Variants in CRMP1 observed in about 807,000 individuals in gnomAD.
CRMP1 encodes collapsin response mediator protein 1, also known as dihydropyrimidinase-related protein 1.
Under a neutral mutation model 68.3 loss-of-function variants are expected in CRMP1, and 19 were observed. The observed-to-expected ratio is 0.28, with a 90% CI of 0.19 to 0.41. The LOEUF is 0.41. Among genes scored for constraint, CRMP1 ranks in the 10% least tolerant of loss-of-function variants. CRMP1 has a pLI of 1.00. For missense variants in CRMP1, 791 were observed against 967.4 expected, an observed-to-expected ratio of 0.82 and a Z score of 2.42; for synonymous variants, 439 against 399.6, an observed-to-expected ratio of 1.10 and a Z score of -1.18.
intron 6 of CRMP1, among the ~76,000 whole-genome samples, chr4:5,849,085 A>G (rs969580197): frequency 6.6e-6 from 1 of 152,234 alleles, no homozygotes; most frequent in African/African-American, 2.4e-5. Flanking sequence ...TCCTTGCCCA[A>G]GGTCACATGG....
chr4:5,825,386 T>G lies in CRMP1; in HGVS notation c.1969+108A>C. On this transcript the variant is annotated intron_variant, in intron 13 of 13. Transcript: ENST00000324989. This position sits in a 1 kb window ranked among gnomAD's most constrained non-coding sequence, Gnocchi z 4.4. ...GGTGGGGCACACTCCCTTCCCTGCTTCTTCATCTAGTGTCCAAGGCCACGT... is the reference window on the plus strand; with the variant it reads ...GGTGGGGCACACTCCCTTCCCTGCTGCTTCATCTAGTGTCCAAGGCCACGT... 3.4e-6 allele frequency: 5 copies of G among 1,465,468 alleles called. No homozygotes were observed. Among genetic ancestry groups the G allele is most frequent in the Non-Finnish European group, 4.5e-6 (5 of 1,115,734 alleles). 90.8% of individuals were successfully genotyped at this position (1,465,468 alleles called of 1,614,324 possible).
In CRMP1 at chr4:5,821,548, A is replaced by T. The variant is rs554106668; in HGVS notation, c.*212T>A. 130 of 561,908 alleles carry T rather than the reference A, an allele frequency of 2.3e-4. No homozygotes were observed. Among genetic ancestry groups the T allele is most frequent in the Non-Finnish European group, 3.8e-4 (120 of 314,994 alleles). 34.8% of individuals were successfully genotyped at this position (561,908 alleles called of 1,614,324 possible). On this transcript the variant is annotated 3_prime_UTR_variant, in exon 14 of 14. Transcript: ENST00000324989. This position sits in a 1 kb window ranked among gnomAD's most constrained non-coding sequence, Gnocchi z 4.4. Reference sequence around the variant, plus strand: ...AAACACCATGCTCCGAGGTGGATTCAGCATGAACACAACTGTGGGGCAAGG... The same window carrying T: ...AAACACCATGCTCCGAGGTGGATTCTGCATGAACACAACTGTGGGGCAAGG...
Position 5,858,396 on chromosome 4 carries a change from C to T in CRMP1, c.656-2089G>A. On this transcript the variant is annotated intron_variant, in intron 3 of 13. Coordinates refer to ENST00000324989, the MANE Select transcript of CRMP1 (RefSeq NM_001014809.3). This position sits in a 1 kb window ranked among gnomAD's most constrained non-coding sequence, Gnocchi z 5.5. ...AAATGAGAATGTCCAAAACCTCATGCAATACTCTCCCCACCCCGACCCCAG... is the reference window on the plus strand; with the variant it reads ...AAATGAGAATGTCCAAAACCTCATGTAATACTCTCCCCACCCCGACCCCAG... Among the ~76,000 whole-genome samples, 1 of 151,990 alleles carries T rather than the reference C, an allele frequency of 6.6e-6. No homozygotes were observed. The highest frequency in any genetic ancestry group is 1.5e-5 in the Non-Finnish European group (1 of 68,006).
At chr4:5,824,404 C>T (rs1438218598) in intron 13 of CRMP1, 26 of 985,224 alleles carry the variant, frequency 2.6e-5, no homozygotes, top group Admixed American at 1.2e-4. Flanking sequence ...TTCATGCCTC[C>T]TCGGCATAAT....
chr4:5,837,129 G>A (rs1345201365), intron 9 of CRMP1, among the ~76,000 whole-genome samples: 1 of 152,216 alleles, frequency 6.6e-6, no homozygotes, highest in African/African-American at 2.4e-5. Context: ...TGAGTAATGT[G>A]TGCTGACATT....
At chr4:5,873,641 CCCA>C (rs1350395687) in intron 1 of CRMP1, among the ~76,000 whole-genome samples, 11 of 152,130 alleles carry the variant, frequency 7.2e-5, no homozygotes, top group African/African-American at 2.7e-4. Flanking sequence ...GGAAATCCGC[CCCA>C]GTGATTCAAT....
Position 5,849,462 on chromosome 4 carries a change from G to T in CRMP1, c.893C>A (p.Ala298Asp). The T allele has an allele frequency of 6.2e-7, 1 of 1,612,662 alleles. No homozygotes were observed. The highest frequency in any genetic ancestry group is 8.5e-7 in the Non-Finnish European group (1 of 1,178,938). ...YQMSDSQLYE[A>D]FTFLKGLGAV... ...TCCCAGGCCCTTAAGGAAGGTAAAGGCTTCATAGAGCTATGGAGAGATAAA... is the reference window on the plus strand; with the variant it reads ...TCCCAGGCCCTTAAGGAAGGTAAAGTCTTCATAGAGCTATGGAGAGATAAA... Residue 298 changes from alanine (A) to aspartate (D), a missense_variant, in exon 6 of 14, where the codon GCC becomes GAC. By Grantham distance (126) the Ala-to-Asp change is moderately radical (BLOSUM62 -2). Coordinates refer to ENST00000324989, the MANE Select transcript of CRMP1 (RefSeq NM_001014809.3).
rs1715898774 is a variant in CRMP1 at position 5,890,595 on chromosome 4, G to A, written c.381+1994C>T. 6.6e-6 allele frequency among the ~76,000 whole-genome samples: 1 copy of A among 152,258 alleles called. No individual in the cohort carries two copies. Among genetic ancestry groups the A allele is most frequent in the Non-Finnish European group, 1.5e-5 (1 of 68,040 alleles). ...AGTTCCACAGTCGCGAAGCTCGAGT[G>A]CTTTCGGAGCCCCGGGAGCGCCAGA... On this transcript the variant is annotated intron_variant, in intron 1 of 13. Coordinates refer to ENST00000324989, the MANE Select transcript of CRMP1 (RefSeq NM_001014809.3). This position sits in a 1 kb window ranked among gnomAD's most constrained non-coding sequence, Gnocchi z 5.5.
Position 5,839,587 on chromosome 4 carries a change from G to C in CRMP1, c.1245C>G (p.Phe415Leu). The C allele has an allele frequency of 6.2e-7, 1 of 1,612,494 alleles. No homozygotes were observed. Among genetic ancestry groups the C allele is most frequent in the Non-Finnish European group, 8.5e-7 (1 of 1,179,290 alleles). The change falls in exon 9 of 14, where the codon TTC (phenylalanine) becomes TTG (leucine). Residue 415 changes from phenylalanine to leucine, a missense_variant. Transcript: ENST00000324989. ...WSKNWAKAAA[F>L]VTSPPLSPDP... The stretch of plus-strand genomic sequence containing the variant: ...CCGGGCTCAGGGGAGGGGAAGTCAC[G>C]AACGCCGCAGCCTTGGCCCAGTTCT...
intron 11 of CRMP1, among the ~76,000 whole-genome samples, chr4:5,832,466 TA>T (rs1720448033): frequency 6.6e-6 from 1 of 152,246 alleles, no homozygotes; most frequent in Non-Finnish European, 1.5e-5. Flanking sequence ...AAAGTAGATT[TA>T]AAATCTAATC....
chr4:5,871,022 A>G (rs1459662149), intron 1 of CRMP1, among the ~76,000 whole-genome samples: 5 of 152,120 alleles, frequency 3.3e-5, no homozygotes, highest in Non-Finnish European at 7.4e-5. Flanking sequence ...ATTTTAATGC[A>G]CTGTGTGCCA....
rs567810079 is a variant in CRMP1 at position 5,886,715 on chromosome 4, A to G, written c.381+5874T>C. On this transcript the variant is annotated intron_variant, in intron 1 of 13. Transcript: ENST00000324989. ...GTCACTGCATCACCCCGACCCCATC[A>G]CCTGCCTCAGTTCCCTTGGGAGGCA... is the stretch of plus-strand genomic sequence containing the variant. Among the ~76,000 whole-genome samples, 3 of 152,296 alleles carry G rather than the reference A, an allele frequency of 2.0e-5. No individual in the cohort carries two copies. The South Asian group carries it at 6.2e-4, about 32-fold the overall frequency.
Position 5,836,909 on chromosome 4 carries a change from GGC to G in CRMP1, c.1311-5_1311-4del. 1 of 1,607,816 alleles carries G rather than the reference GGC, an allele frequency of 6.2e-7. No individual in the cohort carries two copies. Among genetic ancestry groups the G allele is most frequent in the Non-Finnish European group, 8.5e-7 (1 of 1,176,776 alleles). On this transcript the variant is annotated splice_polypyrimidine_tract_variant and splice_region_variant and intron_variant, in intron 9 of 13. Transcript: ENST00000324989. ...TGCCTGTGACCTGCAAGTCCCCACT[GGC>G]AAGGACAAAACAAGGTAGAGTTCAG...
Position 5,860,678 on chromosome 4 carries a change from TAATA to T in CRMP1, c.655+344_655+347del, listed in dbSNP as rs887470664. ...CCCTATAATCCATGTCTTCTTTACT[TAATA>T]CTTTTCTTTAAACAAATTTTGTTTC... is the stretch of plus-strand genomic sequence containing the variant. On this transcript the variant is annotated intron_variant, in intron 3 of 13. Transcript: ENST00000324989. The surrounding 1 kb of genome is among the most constrained non-coding windows in gnomAD (Gnocchi z 4.2). Among the ~76,000 whole-genome samples, 17 of 152,150 alleles carry T rather than the reference TAATA, an allele frequency of 1.1e-4. No homozygotes were observed. Among genetic ancestry groups the T allele is most frequent in the African/African-American group, 4.1e-4 (17 of 41,486 alleles).
intron 9 of CRMP1, among the ~76,000 whole-genome samples, chr4:5,837,489 G>A (rs899558887): frequency 6.0e-5 from 9 of 150,148 alleles, no homozygotes; most frequent in East Asian, 2.0e-4. Flanking sequence ...TTAGCCAGGC[G>A]TGGTGGTGGG....
intron 4 of CRMP1, among the ~76,000 whole-genome samples, chr4:5,852,046 G>A (rs1238338824): frequency 6.6e-6 from 1 of 152,154 alleles, no homozygotes; most frequent in African/African-American, 2.4e-5. Context: ...GAGAGGGAGG[G>A]GTGTGGTAAG....
chr4:5,888,650 C>G lies in CRMP1; in HGVS notation c.381+3939G>C, dbSNP rs1164822754. 2.6e-5 allele frequency: 25 copies of G among 975,120 alleles called. No individual in the cohort carries two copies. Among genetic ancestry groups the G allele is most frequent in the Non-Finnish European group, 3.0e-5 (25 of 821,790 alleles). 60.4% of individuals were successfully genotyped at this position (975,120 alleles called of 1,614,324 possible). On this transcript the variant is annotated intron_variant, in intron 1 of 13. Transcript: ENST00000324989. This position sits in a 1 kb window ranked among gnomAD's most constrained non-coding sequence, Gnocchi z 6.4. ...GCCCCCCGCCCCCCACCCGCCCAGC[C>G]CCGCCGACCCCCGCCCTGCGCACAC...
rs1006120265 is a variant in CRMP1, at chr4:5,850,281, G to A, written c.883-809C>T. 2.0e-5 allele frequency among the ~76,000 whole-genome samples: 3 copies of A among 152,168 alleles called. No individual in the cohort carries two copies. Among genetic ancestry groups the A allele is most frequent in the South Asian group, 2.1e-4 (1 of 4,820 alleles). On this transcript the variant is annotated intron_variant, in intron 5 of 13. Transcript: ENST00000324989. The surrounding 1 kb of genome is among the most constrained non-coding windows in gnomAD (Gnocchi z 4.4). The stretch of plus-strand genomic sequence containing the variant: ...ATGAAGCACTTTTGAGAACCTGCAC[G>A]CAGAGGCTGCTCGATTCCATCCATG...
chr4:5,823,616 G>C (rs940131845), intron 13 of CRMP1, among the ~76,000 whole-genome samples: 1 of 151,970 alleles, frequency 6.6e-6, no homozygotes, highest in African/African-American at 2.4e-5. Flanking sequence ...TGCTCTATTA[G>C]CTCTCGGAAG....
Sources: allele counts gnomAD v4.1 joint callset (sites outside exome capture counted in the v4.1 genomes callset), GRCh38; gene constraint gnomAD v4.1.1; non-coding constraint Gnocchi (gnomAD v3.1); transcripts MANE v1.5; gene names NCBI Gene and HGNC (gene_info 2026-07-23, HGNC 2026-07-21).